Variants in PRSS41 observed in about 807,000 individuals in gnomAD.
PRSS41 encodes the protein protease, serine 41.
A neutral mutation model predicts 28.8 loss-of-function variants in PRSS41; 37 were observed. The observed-to-expected ratio is 1.29, with a 90% CI of 0.99 to 1.69. The LOEUF is 1.69. PRSS41 is among the 40% of genes most tolerant of loss of function. PRSS41 has a pLI of 0.00. For synonymous variants in PRSS41, 195 were observed against 163.1 expected (o/e 1.20, Z -1.49); for missense variants, 431 against 400.7 (o/e 1.08, Z -0.65).
exon 3 of PRSS41, chr16:2,798,987 G>T (rs1431846881): frequency 6.6e-7 from 1 of 1,520,368 alleles, no homozygotes; most frequent in Non-Finnish European, 8.8e-7. Context: ...AAATTCACGC[G>T]CTGGTGGCGG....
At chr16:2,802,175 G>T (rs543754006) in intron 4 of PRSS41, among the ~76,000 whole-genome samples, 1 of 151,000 alleles carries the variant, frequency 6.6e-6, no homozygotes, top group Admixed American at 6.6e-5. Flanking sequence ...CGGGGTGGCC[G>T]GGCAGAGACG....
chr16:2,805,212 G>C (rs1220771026), exon 6 of PRSS41: 1 of 1,176,508 alleles, frequency 8.5e-7, no homozygotes, highest in Non-Finnish European at 1.2e-6. Context: ...CCTCTGGGCT[G>C]TGGGCGCTTC....
intron 4 of PRSS41, 59 bp downstream of exon 4, chr16:2,799,628 A>C (rs1596309158): frequency 6.7e-7 from 1 of 1,497,922 alleles, no homozygotes. Context: ...ATTACCCTCT[A>C]CCCCTGTTCC....
chr16:2,802,638 G>A (rs965460117), intron 4 of PRSS41, among the ~76,000 whole-genome samples: 8 of 152,358 alleles, frequency 5.3e-5, no homozygotes, highest in East Asian at 1.9e-4. Context: ...CCGGCACCTC[G>A]GGAGGCCGAG....
At chr16:2,804,526 G>A (rs1567268492) in exon 5 of PRSS41, 1 of 1,550,902 alleles carries the variant, frequency 6.4e-7, no homozygotes, top group South Asian at 1.2e-5. Flanking sequence ...TGCTGAGGAT[G>A]GCAGTGTAGA....
Position 2,799,281 on chromosome 16 carries a change from G to T in PRSS41, c.258-5G>T. On this transcript the variant is annotated splice_region_variant and splice_polypyrimidine_tract_variant and intron_variant, in intron 3 of 5. Coordinates refer to ENST00000399677, the Ensembl canonical transcript of PRSS41. The stretch of plus-strand genomic sequence containing the variant: ...GGCTCCCCGCCCTCTCTCCTTTTCT[G>T]CTAGGCACTACTATCCCTCCGAGTG... 6.4e-7 allele frequency: 1 copy of T among 1,551,166 alleles called. No individual in the cohort carries two copies.
chr16:2,799,028 C>T (rs2068967283), exon 3 of PRSS41: 2 of 1,532,702 alleles, frequency 1.3e-6, no homozygotes, highest in Non-Finnish European at 1.7e-6. Context: ...GGGCGCTGGC[C>T]ATGGCAGGCC....
chr16:2,799,042 C>T (rs1211554749), exon 3 of PRSS41: 1 of 1,533,098 alleles, frequency 6.5e-7, no homozygotes, highest in East Asian at 2.4e-5. Context: ...GCAGGCCAGC[C>T]TGCGCCTGAG....
exon 4 of PRSS41, chr16:2,799,443 A>C: frequency 6.4e-7 from 1 of 1,552,198 alleles, no homozygotes; most frequent in Middle Eastern, 1.7e-4. Flanking sequence ...TGCCCTGCTG[A>C]GACTGGCCTC....
chr16:2,802,340 C>G (rs1158293054), intron 4 of PRSS41, among the ~76,000 whole-genome samples: 1 of 149,868 alleles, frequency 6.7e-6, no homozygotes. Context: ...CAGGAAGAGG[C>G]GCTCCTCACT....
intron 4 of PRSS41, 55 bp downstream of exon 4, chr16:2,799,624 C>G (rs945830107): frequency 1.3e-6 from 2 of 1,512,774 alleles, no homozygotes; most frequent in East Asian, 4.9e-5. Flanking sequence ...GAGCATTACC[C>G]TCTACCCCTG....
intron 1 of PRSS41, 36 bp from the exon 2 acceptor site, chr16:2,798,600 G>T: frequency 6.6e-7 from 1 of 1,524,274 alleles, no homozygotes; most frequent in Non-Finnish European, 8.8e-7. Flanking sequence ...AGGCCGGGAG[G>T]TGGAGGCCGC....
intron 1 of PRSS41, 23 bp downstream of exon 1, chr16:2,798,571 G>T: frequency 6.5e-7 from 1 of 1,527,986 alleles, no homozygotes. Flanking sequence ...CGCTACAGGC[G>T]GGACCGGGGG....
intron 4 of PRSS41, 35 bp from the exon 5 acceptor site, chr16:2,804,354 G>A (rs545702713): frequency 1.5e-5 from 24 of 1,548,578 alleles, no homozygotes; most frequent in Non-Finnish European, 2.0e-5. Flanking sequence ...CAGAGGAGAG[G>A]TGAAGGGTGC....
At chr16:2,802,242 T>G (rs1187715486) in intron 4 of PRSS41, among the ~76,000 whole-genome samples, 5 of 134,408 alleles carry the variant, frequency 3.7e-5, no homozygotes, top group Non-Finnish European at 7.9e-5. Context: ...ACATCCCAGA[T>G]GGGGCGGCGG....
At chr16:2,799,608 C>G in intron 4 of PRSS41, 39 bp downstream of exon 4, 2 of 1,539,804 alleles carry the variant, frequency 1.3e-6, no homozygotes, top group African/African-American at 1.4e-5. Context: ...GATGGGGGTG[C>G]GGGGTGAGCA....
At chr16:2,799,147 G>A in intron 3 of PRSS41, 23 bp downstream of exon 3, 1 of 1,506,680 alleles carries the variant, frequency 6.6e-7, no homozygotes, top group Admixed American at 2.1e-5. Context: ...GGCGGCCGGG[G>A]CCTCAGACTT....
intron 4 of PRSS41, among the ~76,000 whole-genome samples, chr16:2,804,116 G>A (rs776777815): frequency 1.4e-4 from 22 of 152,200 alleles, no homozygotes; most frequent in South Asian, 4.1e-4. Context: ...ATTTCTCCGC[G>A]GACTCAGGCA....
chr16:2,798,991 G>A, exon 3 of PRSS41: 1 of 1,532,354 alleles, frequency 6.5e-7, no homozygotes. Context: ...TCACGCGCTG[G>A]TGGCGGGCGG....
Sources: gnomAD v4.1 joint callset for allele counts (sites outside exome capture counted in the v4.1 genomes callset) on GRCh38, gnomAD v4.1.1 for gene constraint, MANE v1.5 for transcripts, NCBI Gene and HGNC (gene_info 2026-07-23, HGNC 2026-07-21) for gene names.